The following STK33 variants were observed in gnomAD, a reference collection of about 807,000 sequenced individuals.
STK33 encodes the protein serine/threonine-protein kinase 33.
STK33 carries 52 observed loss-of-function variants against 58.0 expected under a neutral mutation model. The observed-to-expected ratio is 0.90, with a 90% CI of 0.72 to 1.13. The LOEUF is 1.13. STK33 is among the 50% of genes most tolerant of loss of function. The pLI, the probability that STK33 is intolerant of heterozygous loss-of-function variation, is 0.00. For missense variants in STK33, 630 were observed against 604.2 expected, an observed-to-expected ratio of 1.04 and a Z score of -0.45; for synonymous variants, 215 against 200.1, an observed-to-expected ratio of 1.07 and a Z score of -0.63.
At position 8,505,148 on chromosome 11, in the gene STK33, T is replaced by C. The variant is rs148763623; in HGVS notation, c.-465-24534A>G. On this transcript the variant is annotated intron_variant, in intron 1 of 15. Coordinates refer to ENST00000687296, the MANE Select transcript of STK33 (RefSeq NM_001352389.2). The stretch of plus-strand genomic sequence containing the variant: ...TGGACAGCCATAAACTGTAGTCTGT[T>C]TTTCCTCTGGAATAGCCTATTGGTT... Among the ~76,000 whole-genome samples, 432 of 152,340 alleles carry C rather than the reference T, an allele frequency of 2.8e-3. 1 individual carries two copies. The Middle Eastern group carries it at 0.031, about 11-fold the overall frequency.
At chr11:8,442,839 A>C (rs1486719104) in intron 11 of STK33, among the ~76,000 whole-genome samples, 1 of 152,186 alleles carries the variant, frequency 6.6e-6, no homozygotes, top group African/African-American at 2.4e-5. Flanking sequence ...ATCATGATGT[A>C]AGACAAAAGA....
intron 1 of STK33, chr11:8,565,716 G>A (rs981640026): frequency 2.0e-5 from 3 of 152,170 alleles, no homozygotes; most frequent in Admixed American, 2.0e-4. Context: ...TCACCTTCAC[G>A]TTCATTTGTT....
chr11:8,406,907 C>T (rs527963647), intron 15 of STK33, among the ~76,000 whole-genome samples: 5 of 151,896 alleles, frequency 3.3e-5, no homozygotes, highest in African/African-American at 1.2e-4. Flanking sequence ...TCGTTCCTTG[C>T]CTTTCTCCTA....
chr11:8,576,398 T>A lies in STK33; in HGVS notation c.-466+17685A>T, dbSNP rs546135020. Among the ~76,000 whole-genome samples the A allele has an allele frequency of 1.8e-4, 27 of 152,320 alleles. 1 individual carries two copies. Among genetic ancestry groups the A allele is most frequent in the Middle Eastern group, 3.4e-3 (1 of 294 alleles). ...TCCTTTTGGAACTTTCCAAACTATT[T>A]GATGTTCATGAAACCATCTAATGTA... On this transcript the variant is annotated intron_variant, in intron 1 of 15. Transcript: ENST00000687296.
chr11:8,513,849 A>G (rs984391891), intron 1 of STK33, among the ~76,000 whole-genome samples: 1 of 152,174 alleles, frequency 6.6e-6, no homozygotes, highest in East Asian at 1.9e-4. Context: ...TTATTTTTAA[A>G]TGTACAATTA....
intron 14 of STK33, among the ~76,000 whole-genome samples, chr11:8,429,275 A>C (rs1943130234): frequency 6.6e-6 from 1 of 152,214 alleles, no homozygotes; most frequent in Non-Finnish European, 1.5e-5. Flanking sequence ...AAAATTTTTA[A>C]AGTTCAACCT....
rs554734977 is a variant in STK33, at chr11:8,474,942, T to A, written c.-37A>T. 5.9e-6 allele frequency: 9 copies of A among 1,530,814 alleles called. No homozygotes were observed. In the African/African-American group the frequency reaches 1.3e-4, roughly 21 times the overall value. The allele number at this position is 1,530,814 out of a possible 1,614,324, so 94.8% of individuals were successfully genotyped here. ...TGCAACAAAAGCAACTTTAAAAATG[T>A]TTCCACTGTTTGAGGAAGAAAACCA... is the stretch of plus-strand genomic sequence containing the variant. On this transcript the variant is annotated 5_prime_UTR_variant, in exon 5 of 16. Transcript: ENST00000687296.
intron 1 of STK33, among the ~76,000 whole-genome samples, chr11:8,559,643 A>T (rs1956990853): frequency 6.6e-6 from 1 of 152,162 alleles, no homozygotes; most frequent in Non-Finnish European, 1.5e-5. Flanking sequence ...CTATTTTCAA[A>T]AGCAACATAG....
At chr11:8,462,405 A>ATG (rs1447503018) in intron 7 of STK33, among the ~76,000 whole-genome samples, 5 of 146,662 alleles carry the variant, frequency 3.4e-5, no homozygotes, top group Non-Finnish European at 6.0e-5. Context: ...ATATATACAT[A>ATG]TATATACACA....
chr11:8,362,893 CCT>C, the STK33 span, among the ~76,000 whole-genome samples: 4 of 150,036 alleles, frequency 2.7e-5, no homozygotes, highest in East Asian at 7.8e-4. Flanking sequence ...CCTCTTCCTT[CCT>C]CTCTCTCTCC....
the STK33 span, among the ~76,000 whole-genome samples, chr11:8,371,113 G>A: frequency 6.6e-6 from 1 of 152,142 alleles, no homozygotes; most frequent in Non-Finnish European, 1.5e-5. Flanking sequence ...ATGGGCTAAA[G>A]GGTGTCCTCC....
chr11:8,346,541 G>C, the STK33 span, among the ~76,000 whole-genome samples: 1 of 152,208 alleles, frequency 6.6e-6, no homozygotes. Context: ...CTCTGAGATA[G>C]AGCCCAAGAG....
chr11:8,484,114 T>C (rs904303809), intron 1 of STK33, among the ~76,000 whole-genome samples: 1 of 152,182 alleles, frequency 6.6e-6, no homozygotes, highest in African/African-American at 2.4e-5. Flanking sequence ...CATGCTAAAG[T>C]AGAAAGAACC....
At chr11:8,512,895 TATATTTAGC>T (rs762946275) in intron 1 of STK33, among the ~76,000 whole-genome samples, 3 of 152,178 alleles carry the variant, frequency 2.0e-5, no homozygotes, top group Non-Finnish European at 2.9e-5. Context: ...AACTTCCCAT[TATATTTAGC>T]ATATTTAGCG....
chr11:8,368,682 G>A, the STK33 span, among the ~76,000 whole-genome samples: 2 of 152,222 alleles, frequency 1.3e-5, no homozygotes, highest in Non-Finnish European at 2.9e-5. Context: ...GCCTCCCCTT[G>A]GATGGGAGCT....
chr11:8,466,355 T>C (rs1165289542), intron 6 of STK33: 1 of 152,102 alleles, frequency 6.6e-6, no homozygotes, highest in Non-Finnish European at 1.5e-5. Context: ...GGTATAGGCA[T>C]TGGGTAAATA....
intron 1 of STK33, among the ~76,000 whole-genome samples, chr11:8,529,222 C>T (rs1954311727): frequency 6.6e-6 from 1 of 152,180 alleles, no homozygotes; most frequent in African/African-American, 2.4e-5. Flanking sequence ...ATTCTAGGAA[C>T]ATGGCAGCCT....
chr11:8,431,146 T>C (rs749517057), intron 14 of STK33, among the ~76,000 whole-genome samples: 1 of 152,182 alleles, frequency 6.6e-6, no homozygotes, highest in Non-Finnish European at 1.5e-5. Context: ...ATTACAAGCG[T>C]GACCCACCGC....
intron 1 of STK33, among the ~76,000 whole-genome samples, chr11:8,540,005 C>T (rs11041967): frequency 1.6e-3 from 245 of 152,122 alleles, no homozygotes; most frequent in Non-Finnish European, 2.7e-3. Flanking sequence ...TATGGAGGTT[C>T]CCGAAAAAAT....
Sources: gnomAD v4.1 joint callset for allele counts (sites outside exome capture counted in the v4.1 genomes callset) on GRCh38, gnomAD v4.1.1 for gene constraint, MANE v1.5 for transcripts, NCBI Gene and HGNC (gene_info 2026-07-23, HGNC 2026-07-21) for gene names.